Variants in RNF180 observed in about 807,000 individuals in gnomAD.
RNF180 encodes the protein E3 ubiquitin-protein ligase RNF180.
RNF180 carries 38 observed loss-of-function variants against 59.2 expected under a neutral mutation model. The ratio of observed to expected loss-of-function variants is 0.64; its 90% confidence interval spans 0.50 to 0.84. The LOEUF is 0.84. RNF180 is among the 40% of genes least tolerant of loss of function. RNF180 has a pLI of 0.00. For synonymous variants in RNF180, 262 were observed against 240.3 expected (o/e 1.09, Z -0.84); for missense variants, 705 against 700.9 (o/e 1.01, Z -0.07).
chr5:64,363,972 T>C (rs1409737029), intron 7 of RNF180, among the ~76,000 whole-genome samples: 2 of 151,728 alleles, frequency 1.3e-5, no homozygotes, highest in African/African-American at 4.8e-5. Context: ...CTTATCAGCT[T>C]AAGAACTTTT....
intron 1 of RNF180, among the ~76,000 whole-genome samples, chr5:64,189,155 A>G (rs1195574221): frequency 6.6e-6 from 1 of 152,014 alleles, no homozygotes; most frequent in African/African-American, 2.4e-5. Flanking sequence ...TAACTATGAG[A>G]CAATAAATTT....
Position 64,246,912 on chromosome 5 carries a change from C to T in RNF180, c.1227+29516C>T, listed in dbSNP as rs111601405. On this transcript the variant is annotated intron_variant, in intron 5 of 7. Transcript: ENST00000389100. ...AGCACATCAAAAAGCTTACCCACCACGATCAAGTCAGCTTCATCCCTGGGA... is the reference window on the plus strand; with the variant it reads ...AGCACATCAAAAAGCTTACCCACCATGATCAAGTCAGCTTCATCCCTGGGA... Among the ~76,000 whole-genome samples, 6 of 152,246 alleles carry T rather than the reference C, an allele frequency of 3.9e-5. 1 individual carries two copies. Among genetic ancestry groups the T allele is most frequent in the African/African-American group, 9.6e-5 (4 of 41,552 alleles).
chr5:64,240,722 A>T (rs564558877), intron 5 of RNF180, among the ~76,000 whole-genome samples: 2 of 152,108 alleles, frequency 1.3e-5, no homozygotes, highest in Non-Finnish European at 2.9e-5. Flanking sequence ...CCAAACACTT[A>T]CTGTTTCTTC....
At chr5:64,200,685 T>C (rs1220111271) in intron 1 of RNF180, 123 bp from the exon 2 acceptor site, 1 of 743,762 alleles carries the variant, frequency 1.3e-6, no homozygotes, top group Non-Finnish European at 2.2e-6. Context: ...AACTGGTAGG[T>C]ACCTTAATAA....
intron 7 of RNF180, among the ~76,000 whole-genome samples, chr5:64,337,177 C>T (rs1214051865): frequency 6.6e-6 from 1 of 151,954 alleles, no homozygotes; most frequent in African/African-American, 2.4e-5. Flanking sequence ...CCATGCCTGG[C>T]TGATTTTGTT....
At position 64,371,000 on chromosome 5, in the gene RNF180, A is replaced by G. The variant is rs1746642161; in HGVS notation, c.*1186A>G. 1 of 151,632 alleles carries G rather than the reference A, an allele frequency of 6.6e-6. No homozygotes were observed. The highest frequency in any genetic ancestry group is 1.5e-5 in the Non-Finnish European group (1 of 67,712). The allele number at this position is 151,632 out of a possible 1,614,324, so 9.4% of individuals were successfully genotyped here. A position where few individuals can be genotyped will look rare whatever the true frequency, so the allele number is the denominator to read the frequency against. ...AAAAATACTACCACTATCCAAAAACATTGGGATCAACTGGGCTTTAACAGT... is the reference window on the plus strand; with the variant it reads ...AAAAATACTACCACTATCCAAAAACGTTGGGATCAACTGGGCTTTAACAGT... On this transcript the variant is annotated 3_prime_UTR_variant, in exon 8 of 8. Coordinates refer to ENST00000389100, the MANE Select transcript of RNF180 (RefSeq NM_001113561.2).
intron 5 of RNF180, among the ~76,000 whole-genome samples, chr5:64,244,651 T>C (rs1743042341): frequency 1.3e-5 from 2 of 152,276 alleles, no homozygotes; most frequent in East Asian, 1.9e-4. Flanking sequence ...TGGAACCAAG[T>C]TGAAAAACAC....
chr5:64,315,350 A>T (rs1298264391), intron 5 of RNF180, among the ~76,000 whole-genome samples: 2 of 152,216 alleles, frequency 1.3e-5, no homozygotes, highest in Non-Finnish European at 2.9e-5. Context: ...AATGTCTACC[A>T]AATAACCAAA....
chr5:64,190,179 T>C (rs1250198666), intron 1 of RNF180, among the ~76,000 whole-genome samples: 1 of 152,162 alleles, frequency 6.6e-6, no homozygotes, highest in African/African-American at 2.4e-5. Context: ...GCTGTTATGG[T>C]GGGCCTGTAG....
At chr5:64,276,490 C>G (rs2112371942) in intron 5 of RNF180, among the ~76,000 whole-genome samples, 1 of 152,054 alleles carries the variant, frequency 6.6e-6, no homozygotes, top group East Asian at 1.9e-4. Context: ...TAAATGACCT[C>G]TTTATTCTTT....
intron 1 of RNF180, among the ~76,000 whole-genome samples, chr5:64,168,277 T>C (rs890555632): frequency 2.0e-5 from 3 of 152,226 alleles, no homozygotes; most frequent in African/African-American, 7.2e-5. Flanking sequence ...AACTCAGTTC[T>C]ACCTTCAAGA....
chr5:64,222,606 T>C (rs758195318), intron 5 of RNF180, among the ~76,000 whole-genome samples: 4 of 152,218 alleles, frequency 2.6e-5, no homozygotes, highest in Non-Finnish European at 5.9e-5. Context: ...AAGGTTTTTA[T>C]TGGGAGCTGG....
At chr5:64,230,227 A>G (rs773862198) in intron 5 of RNF180, among the ~76,000 whole-genome samples, 15 of 152,234 alleles carry the variant, frequency 9.9e-5, no homozygotes, top group Non-Finnish European at 1.8e-4. Context: ...CTTTGATACT[A>G]TGTTCATTTG....
At chr5:64,207,061 A>G (rs1472655892) in intron 2 of RNF180, among the ~76,000 whole-genome samples, 1 of 151,136 alleles carries the variant, frequency 6.6e-6, no homozygotes, top group Non-Finnish European at 1.5e-5. Flanking sequence ...AGGATTTATC[A>G]TTTAATCTTC....
chr5:64,341,657 G>A (rs1487942597), intron 7 of RNF180, among the ~76,000 whole-genome samples: 1 of 152,064 alleles, frequency 6.6e-6, no homozygotes, highest in Non-Finnish European at 1.5e-5. Flanking sequence ...CCTCATGGTA[G>A]GTTTAGATTT....
chr5:64,300,036 T>A (rs1743081545), intron 5 of RNF180, among the ~76,000 whole-genome samples: 1 of 151,776 alleles, frequency 6.6e-6, no homozygotes, highest in South Asian at 2.1e-4. Context: ...ACTGCCACTG[T>A]GTCATGGTGC....
chr5:64,171,840 C>A (rs1470967367), intron 1 of RNF180, among the ~76,000 whole-genome samples: 3 of 152,034 alleles, frequency 2.0e-5, no homozygotes, highest in Non-Finnish European at 4.4e-5. Flanking sequence ...CTTCTCCACC[C>A]CGCCCCCCCA....
chr5:64,301,426 A>G (rs1743154825), intron 5 of RNF180, among the ~76,000 whole-genome samples: 1 of 151,778 alleles, frequency 6.6e-6, no homozygotes, highest in African/African-American at 2.4e-5. Flanking sequence ...TGAAAATTAA[A>G]TTAACCAAAT....
intron 7 of RNF180, among the ~76,000 whole-genome samples, chr5:64,339,084 G>A (rs1267479606): frequency 6.6e-6 from 1 of 151,026 alleles, no homozygotes; most frequent in African/African-American, 2.4e-5. Context: ...ATTTTAATCT[G>A]TCTTGTATAT....
Sources: gnomAD v4.1 joint callset for allele counts (sites outside exome capture counted in the v4.1 genomes callset) on GRCh38, gnomAD v4.1.1 for gene constraint, MANE v1.5 for transcripts, NCBI Gene and HGNC (gene_info 2026-07-23, HGNC 2026-07-21) for gene names.